The following GRID1 variants were observed in gnomAD, a reference collection of about 807,000 sequenced individuals.
GRID1 encodes the protein glutamate receptor ionotropic, delta-1.
In GRID1, 28 loss-of-function variants were observed where a neutral mutation model predicts 98.0. The observed-to-expected ratio is 0.29, with a 90% confidence interval of 0.21 to 0.39. The LOEUF (loss-of-function observed/expected upper bound fraction) is 0.39, where lower values mean the gene tolerates loss of function less well. GRID1 is among the 10% of genes least tolerant of loss of function. GRID1 has a pLI of 1.00. For synonymous variants in GRID1, 553 were observed against 538.5 expected, an observed-to-expected ratio of 1.03 and a Z score of -0.37; for missense variants, 1,111 against 1,340.5, an observed-to-expected ratio of 0.83 and a Z score of 2.67.
chr10:86,362,870 C>T (rs1848618951), intron 2 of GRID1, among the ~76,000 whole-genome samples: 1 of 152,264 alleles, frequency 6.6e-6, no homozygotes, highest in Non-Finnish European at 1.5e-5. Context: ...GCCAGCCCAC[C>T]TCCCACTACA....
chr10:86,179,800 ACAC>A (rs1159169415), intron 3 of GRID1, among the ~76,000 whole-genome samples: 4 of 152,146 alleles, frequency 2.6e-5, no homozygotes, highest in Non-Finnish European at 5.9e-5. Context: ...TAACAATGAA[ACAC>A]CACCACAACA....
At chr10:86,077,919 G>T (rs1203030670) in intron 4 of GRID1, among the ~76,000 whole-genome samples, 3 of 152,248 alleles carry the variant, frequency 2.0e-5, no homozygotes, top group African/African-American at 7.2e-5. Context: ...GGCCTACAAA[G>T]CAAGCCTAAG....
At chr10:85,778,692 C>A (rs779273566) in intron 8 of GRID1, among the ~76,000 whole-genome samples, 24 of 152,184 alleles carry the variant, frequency 1.6e-4, no homozygotes, top group Non-Finnish European at 2.9e-4. Context: ...AACAACATAG[C>A]AAGGTGTTTT....
chr10:86,130,200 A>ACGGTGTGTTACACTG (rs67602882), intron 4 of GRID1, among the ~76,000 whole-genome samples: 1 of 152,026 alleles, frequency 6.6e-6, no homozygotes, highest in Non-Finnish European at 1.5e-5. Flanking sequence ...GAGTTTTAGG[A>ACGGTGTGTTACACTG]CACACAGCTA....
At chr10:86,196,909 C>T (rs1187924141) in intron 3 of GRID1, among the ~76,000 whole-genome samples, 1 of 151,674 alleles carries the variant, frequency 6.6e-6, no homozygotes, top group Non-Finnish European at 1.5e-5. Context: ...GAAACAAATG[C>T]TTCTGGGCCA....
At chr10:86,105,604 G>A (rs1359174907) in intron 4 of GRID1, among the ~76,000 whole-genome samples, 2 of 152,148 alleles carry the variant, frequency 1.3e-5, no homozygotes, top group Admixed American at 1.3e-4. Flanking sequence ...CCCCAGCAGT[G>A]TCCGGGGCAC....
At chr10:86,220,725 C>T (rs901908348) in intron 2 of GRID1, among the ~76,000 whole-genome samples, 4 of 152,184 alleles carry the variant, frequency 2.6e-5, no homozygotes, top group African/African-American at 9.7e-5. Flanking sequence ...GAGCTCTTCT[C>T]ATTCACCCCA....
chr10:85,802,134 C>T (rs1842582097), intron 8 of GRID1, among the ~76,000 whole-genome samples: 1 of 151,928 alleles, frequency 6.6e-6, no homozygotes, highest in Non-Finnish European at 1.5e-5. Context: ...TCAAGGAAAA[C>T]AAGACATAAT....
chr10:86,090,449 T>C (rs1356743148), intron 4 of GRID1, among the ~76,000 whole-genome samples: 1 of 151,206 alleles, frequency 6.6e-6, no homozygotes, highest in Non-Finnish European at 1.5e-5. Context: ...TAATATACAT[T>C]ACCCAGTCTA....
chr10:86,257,640 C>T (rs985901214), intron 2 of GRID1, among the ~76,000 whole-genome samples: 3 of 152,118 alleles, frequency 2.0e-5, no homozygotes, highest in African/African-American at 7.2e-5. Flanking sequence ...GGCAGCTGAG[C>T]GCTGAGATCC....
intron 8 of GRID1, among the ~76,000 whole-genome samples, chr10:85,772,795 G>A (rs1842286253): frequency 1.3e-5 from 2 of 152,154 alleles, no homozygotes; most frequent in African/African-American, 4.8e-5. Context: ...TCTCTGAATA[G>A]ACCAATAGCA....
At chr10:85,985,712 T>A (rs1589325087) in intron 4 of GRID1, among the ~76,000 whole-genome samples, 1 of 152,174 alleles carries the variant, frequency 6.6e-6, no homozygotes, top group East Asian at 1.9e-4. Flanking sequence ...TCCCCTCTGG[T>A]CAGGCCATCT....
chr10:86,139,958 A>G (rs1844987559), intron 3 of GRID1, among the ~76,000 whole-genome samples: 1 of 152,204 alleles, frequency 6.6e-6, no homozygotes, highest in East Asian at 1.9e-4. Flanking sequence ...CTTTCCCAAA[A>G]AGAGACATGC....
intron 12 of GRID1, chr10:85,648,196 G>C (rs1037124359): frequency 1.3e-5 from 2 of 152,272 alleles, no homozygotes; most frequent in African/African-American, 4.8e-5. Context: ...TTTGAGGGGG[G>C]ATTTCACAAG....
At chr10:85,646,988 C>A in intron 13 of GRID1, 2 of 589,006 alleles carry the variant, frequency 3.4e-6, no homozygotes, top group Non-Finnish European at 6.1e-6. Context: ...CTGCTCCTCC[C>A]CAGCCAGCAC....
chr10:86,159,146 G>A (rs969982600), intron 3 of GRID1, among the ~76,000 whole-genome samples: 1 of 152,012 alleles, frequency 6.6e-6, no homozygotes, highest in Non-Finnish European at 1.5e-5. Context: ...CGCCTGCCTC[G>A]GCCTCCCATT....
chr10:86,070,052 C>T (rs1359673391), intron 4 of GRID1, among the ~76,000 whole-genome samples: 1 of 152,176 alleles, frequency 6.6e-6, no homozygotes, highest in Non-Finnish European at 1.5e-5. Flanking sequence ...TAGAGAGGTG[C>T]TGTGGTTGTG....
chr10:85,786,075 A>T (rs952138012), intron 8 of GRID1, among the ~76,000 whole-genome samples: 47 of 152,112 alleles, frequency 3.1e-4, no homozygotes, highest in African/African-American at 1.1e-3. Flanking sequence ...ATGCACACAC[A>T]ATCTCTAGCC....
Position 86,340,053 on chromosome 10 carries a change from G to A in GRID1, c.235+23888C>T, listed in dbSNP as rs1267611325. Among the ~76,000 whole-genome samples the A allele has an allele frequency of 2.0e-5, 3 of 152,152 alleles. No individual in the cohort carries two copies. The East Asian group carries it at 5.8e-4, about 29-fold the overall frequency. On this transcript the variant is annotated intron_variant, in intron 2 of 15. Transcript: ENST00000327946. ...GGAAGAACTCACAGAGGCGGAGACAGCAGGGACTGGAGGAGGGGAGAGTGA... is the reference window on the plus strand; with the variant it reads ...GGAAGAACTCACAGAGGCGGAGACAACAGGGACTGGAGGAGGGGAGAGTGA...
Sources: allele counts gnomAD v4.1 joint callset (sites outside exome capture counted in the v4.1 genomes callset), GRCh38; gene constraint gnomAD v4.1.1; transcripts MANE v1.5; gene names NCBI Gene and HGNC (gene_info 2026-07-23, HGNC 2026-07-21).